Variants in TNKS observed in about 807,000 individuals in gnomAD.
TNKS encodes poly [ADP-ribose] polymerase tankyrase-1.
Under a neutral mutation model 135.8 loss-of-function variants are expected in TNKS, and 72 were observed. The observed-to-expected ratio is 0.53, with a 90% CI of 0.44 to 0.64. The LOEUF is 0.64. Among genes scored for constraint, TNKS ranks in the 30% least tolerant of loss-of-function variants. The pLI is 0.00. For missense variants in TNKS, 1,769 were observed against 1,674.0 expected (o/e 1.06, Z -0.99); for synonymous variants, 849 against 649.3 (o/e 1.31, Z -4.68).
intron 2 of TNKS, among the ~76,000 whole-genome samples, chr8:9,601,516 G>C (rs930630831): frequency 3.9e-5 from 6 of 152,110 alleles, no homozygotes; most frequent in African/African-American, 1.4e-4. Context: ...TGATAATTTG[G>C]AACTAAGATT....
intron 1 of TNKS, among the ~76,000 whole-genome samples, chr8:9,567,626 C>A (rs569284479): frequency 5.9e-5 from 9 of 152,250 alleles, no homozygotes; most frequent in Admixed American, 2.0e-4. Flanking sequence ...ACCGTGTTAG[C>A]GAGGATGGTC....
At chr8:9,623,935 G>A (rs1799959850) in intron 3 of TNKS, among the ~76,000 whole-genome samples, 1 of 152,088 alleles carries the variant, frequency 6.6e-6, no homozygotes, top group East Asian at 1.9e-4. Flanking sequence ...CCGGGAGGCA[G>A]AAGTTGCAGT....
intron 18 of TNKS, among the ~76,000 whole-genome samples, 179 bp from the exon 19 acceptor site, chr8:9,751,430 T>C (rs930697867): frequency 6.6e-6 from 1 of 152,218 alleles, no homozygotes; most frequent in Admixed American, 6.5e-5. Flanking sequence ...CAATTCTGTC[T>C]ACTGAAACTA....
chr8:9,653,488 C>T (rs750459560), intron 3 of TNKS, among the ~76,000 whole-genome samples: 3 of 151,826 alleles, frequency 2.0e-5, no homozygotes, highest in Admixed American at 2.0e-4. Context: ...CTGGTGAGGG[C>T]CTCGTACTGG....
intron 3 of TNKS, among the ~76,000 whole-genome samples, chr8:9,647,976 A>C (rs558078823): frequency 6.6e-6 from 1 of 152,330 alleles, no homozygotes; most frequent in African/African-American, 2.4e-5. Context: ...GTTATAACAC[A>C]GTGGTAAGCA....
At chr8:9,583,221 A>G (rs1478406404) in intron 2 of TNKS, among the ~76,000 whole-genome samples, 2 of 151,738 alleles carry the variant, frequency 1.3e-5, no homozygotes, top group African/African-American at 2.4e-5. Flanking sequence ...TGTTTCTTTC[A>G]TAGATGCTAT....
Position 9,592,204 on chromosome 8 carries a change from A to G in TNKS, c.898+11821A>G, listed in dbSNP as rs927938345. Reference sequence around the variant, plus strand: ...CTGTTTTTAATAGCTTGTTGCCTGAAATCTTTCCACAAACGAAGACTTATT... The same window carrying G: ...CTGTTTTTAATAGCTTGTTGCCTGAGATCTTTCCACAAACGAAGACTTATT... On this transcript the variant is annotated intron_variant, in intron 2 of 26. Transcript: ENST00000310430. Among the ~76,000 whole-genome samples, 95 of 152,230 alleles carry G rather than the reference A, an allele frequency of 6.2e-4. 2 individuals carry two copies. The highest frequency in any genetic ancestry group is 2.2e-3 in the Admixed American group (33 of 15,288).
At chr8:9,702,795 C>A (rs1402104299) in intron 5 of TNKS, among the ~76,000 whole-genome samples, 1 of 152,142 alleles carries the variant, frequency 6.6e-6, no homozygotes, top group Non-Finnish European at 1.5e-5. Context: ...GCGGGTGGAT[C>A]ACTTGAGGTC....
chr8:9,623,434 CT>C (rs80125974), intron 3 of TNKS, among the ~76,000 whole-genome samples: 320 of 141,104 alleles, frequency 2.3e-3, no homozygotes, highest in Middle Eastern at 3.7e-3. Context: ...GTGAAACACA[CT>C]TTTTTTTTTT....
chr8:9,622,270 G>A (rs1419949315), intron 3 of TNKS, among the ~76,000 whole-genome samples: 2 of 152,062 alleles, frequency 1.3e-5, no homozygotes, highest in African/African-American at 2.4e-5. Flanking sequence ...TCTTTTATTA[G>A]CAGCAGGTAT....
chr8:9,583,877 G>C (rs899824582), intron 2 of TNKS, among the ~76,000 whole-genome samples: 19 of 151,682 alleles, frequency 1.3e-4, no homozygotes, highest in Non-Finnish European at 2.5e-4. Context: ...TATAAGATCT[G>C]GGAGTCGGAG....
chr8:9,599,889 C>G (rs1302721726), intron 2 of TNKS, among the ~76,000 whole-genome samples: 1 of 151,968 alleles, frequency 6.6e-6, no homozygotes, highest in African/African-American at 2.4e-5. Context: ...AAATTTCATG[C>G]CAGAGTTTGT....
chr8:9,771,323 AAGG>A lies in TNKS; in HGVS notation c.3897+1065_3897+1067del, dbSNP rs1389194643. ...GAGAGGAAGGAAGGAAGAGAGAAGA[AAGG>A]AGGGAGAGAGAGGAAGGGAAGCAGG... On this transcript the variant is annotated intron_variant, in intron 26 of 26. Transcript: ENST00000310430. Among the ~76,000 whole-genome samples the A allele has an allele frequency of 6.5e-4, 76 of 117,342 alleles. 1 individual carries two copies. The highest frequency in any genetic ancestry group is 6.0e-4 in the East Asian group (2 of 3,342). The allele number at this position is 117,342 out of a possible 152,430, so 77.0% of individuals were successfully genotyped here.
At chr8:9,560,518 T>TC (rs1797282921) in intron 1 of TNKS, among the ~76,000 whole-genome samples, 1 of 134,086 alleles carries the variant, frequency 7.5e-6, no homozygotes, top group African/African-American at 2.6e-5. Context: ...TTTTTTTTTT[T>TC]TTTTTCATTT....
chr8:9,676,686 C>CTCTCTCTGTGTG (rs1554467464), intron 3 of TNKS, among the ~76,000 whole-genome samples: 3 of 147,786 alleles, frequency 2.0e-5, no homozygotes, highest in Admixed American at 6.7e-5. Flanking sequence ...CTCTCTCTCT[C>CTCTCTCTGTGTG]TGTGTGTGTG....
At position 9,584,547 on chromosome 8, in the gene TNKS, C is replaced by G. The variant is rs183473786; in HGVS notation, c.898+4164C>G. Among the ~76,000 whole-genome samples the G allele has an allele frequency of 4.6e-5, 7 of 152,250 alleles. No individual in the cohort carries two copies. In the East Asian group the frequency reaches 1.4e-3, roughly 29 times the overall value. On this transcript the variant is annotated intron_variant, in intron 2 of 26. Transcript: ENST00000310430. The stretch of plus-strand genomic sequence containing the variant: ...TAGCTCTACAGCTTCTTATGTGTTT[C>G]TAAGGTTGGTCCTCTACTCTCCTGT...
chr8:9,763,873 A>G (rs1585435664), intron 22 of TNKS, among the ~76,000 whole-genome samples: 1 of 152,178 alleles, frequency 6.6e-6, no homozygotes, highest in Non-Finnish European at 1.5e-5. Flanking sequence ...CTAGGCAGAA[A>G]AAGGTATGCC....
chr8:9,708,227 T>G (rs1270993661), intron 8 of TNKS, 144 bp from the exon 9 acceptor site: 2 of 708,168 alleles, frequency 2.8e-6, no homozygotes, highest in Non-Finnish European at 4.3e-6. Context: ...CTTTTGCATT[T>G]TTATCATCAT....
At chr8:9,761,761 C>T (rs1287127709) in intron 21 of TNKS, 125 bp downstream of exon 21, 1 of 977,772 alleles carries the variant, frequency 1.0e-6, no homozygotes, top group South Asian at 1.7e-5. Context: ...ACCTCCTGTC[C>T]CTTCCCCATC....
Sources: gnomAD v4.1 joint callset for allele counts (sites outside exome capture counted in the v4.1 genomes callset) on GRCh38, gnomAD v4.1.1 for gene constraint, MANE v1.5 for transcripts, NCBI Gene and HGNC (gene_info 2026-07-23, HGNC 2026-07-21) for gene names.